MCC: variants seen among roughly 807,000 people sequenced by gnomAD.
MCC encodes MCC regulator of Wnt signaling pathway.
A neutral mutation model predicts 116.2 loss-of-function variants in MCC; 90 were observed. That is an observed-to-expected ratio of 0.77 (90% CI 0.65 to 0.92). MCC has a LOEUF of 0.92. Ranked by LOEUF, MCC falls within the 40% of genes least tolerant of loss-of-function variation. The pLI is 0.00. For synonymous variants in MCC, 578 were observed against 510.5 expected (o/e 1.13, Z -1.78); for missense variants, 1,516 against 1,312.2 (o/e 1.16, Z -2.40).
At chr5:113,216,731 T>C (rs1763333265) in intron 3 of MCC, among the ~76,000 whole-genome samples, 1 of 152,236 alleles carries the variant, frequency 6.6e-6, no homozygotes, top group African/African-American at 2.4e-5. Context: ...GTATCAGTTT[T>C]GACTTGCCTA....
chr5:113,102,744 G>A (rs1337934959), intron 7 of MCC, among the ~76,000 whole-genome samples: 1 of 152,216 alleles, frequency 6.6e-6, no homozygotes, highest in African/African-American at 2.4e-5. Context: ...TTTGAAAAAG[G>A]AAGCACAAGC....
intron 2 of MCC, among the ~76,000 whole-genome samples, chr5:113,354,716 G>A (rs898212474): frequency 1.3e-5 from 2 of 151,506 alleles, no homozygotes; most frequent in Non-Finnish European, 2.9e-5. Context: ...TTACAGGCAT[G>A]AGCCACCGTG....
At chr5:113,094,871 C>A (rs934407835) in intron 8 of MCC, among the ~76,000 whole-genome samples, 4 of 152,144 alleles carry the variant, frequency 2.6e-5, no homozygotes, top group Non-Finnish European at 5.9e-5. Context: ...GGAGTTGCCT[C>A]ACAATCTCCG....
chr5:113,157,390 A>C (rs1378696534), intron 3 of MCC, among the ~76,000 whole-genome samples: 2 of 152,248 alleles, frequency 1.3e-5, no homozygotes, highest in African/African-American at 4.8e-5. Context: ...ACCTAGATTC[A>C]TCTTTGTGGG....
At chr5:113,439,930 C>A (rs986342140) in intron 1 of MCC, among the ~76,000 whole-genome samples, 2 of 152,076 alleles carry the variant, frequency 1.3e-5, no homozygotes, top group African/African-American at 4.8e-5. Flanking sequence ...AGTGGCATGA[C>A]CATACCTCAC....
intron 3 of MCC, among the ~76,000 whole-genome samples, chr5:113,171,999 G>A (rs1034392275): frequency 1.3e-5 from 2 of 152,168 alleles, no homozygotes; most frequent in Non-Finnish European, 2.9e-5. Context: ...AATGTTGACT[G>A]ACTTCAGGTA....
chr5:113,244,238 A>G (rs561899607), intron 3 of MCC, among the ~76,000 whole-genome samples: 3 of 152,360 alleles, frequency 2.0e-5, no homozygotes, highest in African/African-American at 7.2e-5. Context: ...AGCTAATGAT[A>G]TATTTTTAAC....
At chr5:113,043,378 G>T in intron 17 of MCC, 152 bp downstream of exon 17, 1 of 691,408 alleles carries the variant, frequency 1.4e-6, no homozygotes, top group Non-Finnish European at 2.6e-6. Context: ...GAAAGGCCTG[G>T]CACCAACAGG....
chr5:113,065,673 G>C (rs964232479), intron 13 of MCC, among the ~76,000 whole-genome samples: 1 of 152,066 alleles, frequency 6.6e-6, no homozygotes, highest in African/African-American at 2.4e-5. Flanking sequence ...ATGAAAGAAT[G>C]AACAGAATGA....
chr5:113,468,937 C>G (rs1207871042), intron 1 of MCC, among the ~76,000 whole-genome samples: 1 of 152,142 alleles, frequency 6.6e-6, no homozygotes, highest in African/African-American at 2.4e-5. Flanking sequence ...AGGAATTTAT[C>G]CATTTCTTCT....
chr5:113,136,877 G>A (rs1244820288), intron 5 of MCC, among the ~76,000 whole-genome samples: 3 of 152,164 alleles, frequency 2.0e-5, no homozygotes, highest in Non-Finnish European at 2.9e-5. Context: ...GCTCTAGCCA[G>A]GACTTCCTGT....
chr5:113,443,398 T>G lies in MCC; in HGVS notation c.170+44847A>C, dbSNP rs200429111. 1.9e-4 allele frequency among the ~76,000 whole-genome samples: 29 copies of G among 152,332 alleles called. No individual in the cohort carries two copies. The East Asian group carries it at 4.1e-3, about 21-fold the overall frequency. On this transcript the variant is annotated intron_variant, in intron 1 of 18. Transcript: ENST00000408903. Reference sequence around the variant, plus strand: ...TTATCAGCTTAAGGAGATTTTGGTCTGAGATGATGGGGTTTTTTAAACATA... The same window carrying G: ...TTATCAGCTTAAGGAGATTTTGGTCGGAGATGATGGGGTTTTTTAAACATA...
At chr5:113,060,057 T>G (rs919746001) in intron 14 of MCC, among the ~76,000 whole-genome samples, 4 of 152,206 alleles carry the variant, frequency 2.6e-5, no homozygotes, top group Non-Finnish European at 5.9e-5. Context: ...TCTTTTGCCT[T>G]GAAAATCCGT....
At position 113,025,579 on chromosome 5, in the gene MCC, C is replaced by CA. The variant is rs1442711797; in HGVS notation, c.*1722dup. ...CACTGCACTTCAGCCTGGTGACGAG[C>CA]AAAACTCCATCTCAAAAAAAAAAAA... On this transcript the variant is annotated 3_prime_UTR_variant, in exon 19 of 19. Transcript: ENST00000408903. 1.2e-5 allele frequency: 1 copy of CA among 83,868 alleles called. No individual in the cohort carries two copies. Among genetic ancestry groups the CA allele is most frequent in the Non-Finnish European group, 2.3e-5 (1 of 44,162 alleles). The allele number at this position is 83,868 out of a possible 1,614,324, so 5.2% of individuals were successfully genotyped here.
At chr5:113,074,865 C>A (rs897285666) in intron 11 of MCC, among the ~76,000 whole-genome samples, 1 of 152,230 alleles carries the variant, frequency 6.6e-6, no homozygotes, top group African/African-American at 2.4e-5. Context: ...ATGAACAAAG[C>A]CTCCAAGAAA....
At chr5:113,484,469 G>T (rs967197363) in intron 1 of MCC, among the ~76,000 whole-genome samples, 9 of 152,090 alleles carry the variant, frequency 5.9e-5, no homozygotes, top group African/African-American at 9.7e-5. Context: ...CTGTTTTTGA[G>T]AAAACAGATA....
At chr5:113,048,586 T>C (rs1752272723) in intron 16 of MCC, 1 of 160,140 alleles carries the variant, frequency 6.2e-6, no homozygotes, top group African/African-American at 2.4e-5. Context: ...AATATTTTAT[T>C]AGTTGTTAAT....
chr5:113,240,051 T>C (rs1205362359), intron 3 of MCC, among the ~76,000 whole-genome samples: 1 of 152,224 alleles, frequency 6.6e-6, no homozygotes, highest in Non-Finnish European at 1.5e-5. Context: ...TGGTCTCCTA[T>C]TCTGCAAATT....
intron 3 of MCC, among the ~76,000 whole-genome samples, chr5:113,191,411 T>G (rs941743236): frequency 6.6e-6 from 1 of 152,198 alleles, no homozygotes; most frequent in African/African-American, 2.4e-5. Context: ...CGTTGGTCAT[T>G]GTGGGGAAAC....
Sources: allele counts gnomAD v4.1 joint callset (sites outside exome capture counted in the v4.1 genomes callset), GRCh38; gene constraint gnomAD v4.1.1; transcripts MANE v1.5; gene names NCBI Gene and HGNC (gene_info 2026-07-23, HGNC 2026-07-21).